MYPOP: variants seen among roughly 807,000 people sequenced by gnomAD.
The protein encoded by MYPOP is Myb related transcription factor, partner of profilin.
A neutral mutation model predicts 25.7 loss-of-function variants in MYPOP; 21 were observed. That is an observed-to-expected ratio of 0.82 (90% CI 0.58 to 1.18). MYPOP has a LOEUF of 1.18. MYPOP is among the 50% of genes most tolerant of loss of function. The probability of loss-of-function intolerance (pLI) is 0.00; values close to 1 mark genes in which losing one functional copy is unlikely to be tolerated. For missense variants in MYPOP, 566 were observed against 588.3 expected, an observed-to-expected ratio of 0.96 and a Z score of 0.39; for synonymous variants, 280 against 247.9, an observed-to-expected ratio of 1.13 and a Z score of -1.22.
chr19:45,897,005 C>T (rs1967215718), intron 2 of MYPOP, among the ~76,000 whole-genome samples: 1 of 151,922 alleles, frequency 6.6e-6, no homozygotes, highest in Admixed American at 6.6e-5. Flanking sequence ...ATCCTCCCGC[C>T]TTGGCCTTCT....
At position 45,890,464 on chromosome 19, in the gene MYPOP, C is replaced by T. The variant is rs1967100604; in HGVS notation, c.*159G>A. The stretch of plus-strand genomic sequence containing the variant: ...GGTTGGGGGGGCCCATTACTGAGGC[C>T]CCCCCCAGAGAATCAGGCACTAACT... On this transcript the variant is annotated 3_prime_UTR_variant, in exon 3 of 3. Coordinates refer to ENST00000322217, the MANE Select transcript of MYPOP (RefSeq NM_001012643.4). 7 of 1,250,596 alleles carry T rather than the reference C, an allele frequency of 5.6e-6. No individual in the cohort carries two copies. In the South Asian group the frequency reaches 6.5e-5, roughly 12 times the overall value. The allele number at this position is 1,250,596 out of a possible 1,614,324, so 77.5% of individuals were successfully genotyped here. A position where few individuals can be genotyped will look rare whatever the true frequency, so the allele number is the denominator to read the frequency against.
At chr19:45,893,078 A>G (rs1026555139) in intron 2 of MYPOP, among the ~76,000 whole-genome samples, 3 of 151,670 alleles carry the variant, frequency 2.0e-5, no homozygotes, top group Non-Finnish European at 4.4e-5. Context: ...CTTCAAGACC[A>G]GCCTGGTCAA....
At chr19:45,900,449 A>ACC (rs57059844) in intron 2 of MYPOP, among the ~76,000 whole-genome samples, 172 of 76,766 alleles carry the variant, frequency 2.2e-3, no homozygotes, top group Middle Eastern at 7.7e-3. Flanking sequence ...CTCCTGGACC[A>ACC]CCCCCCCCCC....
rs1273177318 is a variant in MYPOP, at chr19:45,901,504, C to T, written c.270G>A (p.Lys90=). The T allele has an allele frequency of 1.9e-6, 3 of 1,610,772 alleles. No individual in the cohort carries two copies. The highest frequency in any genetic ancestry group is 1.7e-6 in the Non-Finnish European group (2 of 1,179,082). The change falls in exon 2 of 3, where the codon AAG becomes AAA. Residue 90 remains lysine (K), a synonymous_variant. Transcript: ENST00000322217. This position sits in a 1 kb window ranked among gnomAD's most constrained non-coding sequence, Gnocchi z 5.7. ...WNDFKRRTKE[K]LARVPHSTQG... ...GCGTGGAGTGCGGCACGCGAGCGAG[C>T]TTCTCCTTGGTGCGGCGCTTGAAGT...
At position 45,901,159 on chromosome 19, in the gene MYPOP, G is replaced by T; in HGVS notation, c.499+116C>A. ...ATTTTTCTGAGCTTCAGTTTCCCTA[G>T]CTATAAAATGGGGCGAAGGACAGCA... On this transcript the variant is annotated intron_variant, in intron 2 of 2. Transcript: ENST00000322217. This position sits in a 1 kb window ranked among gnomAD's most constrained non-coding sequence, Gnocchi z 5.7. The T allele has an allele frequency of 2.0e-6, 2 of 986,034 alleles. No individual in the cohort carries two copies. The highest frequency in any genetic ancestry group is 2.7e-6 in the Non-Finnish European group (2 of 735,806). The allele number at this position is 986,034 out of a possible 1,614,324, so 61.1% of individuals were successfully genotyped here.
At position 45,890,695 on chromosome 19, in the gene MYPOP, G is replaced by A. The variant is rs377420159; in HGVS notation, c.1128C>T (p.His376=). The part of the protein sequence containing the change: ...PRPPPAPLPP[H]DSPPHKRRKG... ...TTCTCCGCTTGTGTGGGGGGGAGTC[G>A]TGCGGAGGGAGCGGGGCTGGGGGGG... Residue 376 remains histidine, a synonymous_variant, in exon 3 of 3, where the codon CAC becomes CAT. Transcript: ENST00000322217. 95 of 1,598,280 alleles carry A rather than the reference G, an allele frequency of 5.9e-5. No individual in the cohort carries two copies. Among genetic ancestry groups the A allele is most frequent in the African/African-American group, 2.2e-4 (16 of 73,416 alleles).
chr19:45,896,224 G>A (rs914255830), intron 2 of MYPOP, among the ~76,000 whole-genome samples: 2 of 152,162 alleles, frequency 1.3e-5, no homozygotes, highest in African/African-American at 4.8e-5. Flanking sequence ...CCTGGAGGCC[G>A]AGGTTGCAGT....
chr19:45,897,576 G>A (rs1967224198), intron 2 of MYPOP, among the ~76,000 whole-genome samples: 1 of 152,168 alleles, frequency 6.6e-6, no homozygotes, highest in Non-Finnish European at 1.5e-5. Context: ...GTTGTTTTGA[G>A]GAAGGGTCTC....
At chr19:45,894,173 TGTG>T (rs1967168416) in intron 2 of MYPOP, among the ~76,000 whole-genome samples, 1 of 149,628 alleles carries the variant, frequency 6.7e-6, no homozygotes, top group Non-Finnish European at 1.5e-5. Context: ...AGTGCAGTGG[TGTG>T]ATCTCGGCTC....
At chr19:45,896,085 G>GT (rs754331777) in intron 2 of MYPOP, among the ~76,000 whole-genome samples, 2 of 152,190 alleles carry the variant, frequency 1.3e-5, no homozygotes, top group Non-Finnish European at 2.9e-5. Flanking sequence ...GAGGTCAGGA[G>GT]TTTGAGACCA....
rs1004858682 is a variant in MYPOP at position 45,890,404 on chromosome 19, G to T, written c.*219C>A. ...TGGCTTAGAAGTCAGGGTTAAGGGA[G>T]GCAGCCAGGCAGACAGCACTGTACC... On this transcript the variant is annotated 3_prime_UTR_variant, in exon 3 of 3. Coordinates refer to ENST00000322217, the MANE Select transcript of MYPOP (RefSeq NM_001012643.4). The T allele has an allele frequency of 1.0e-5, 6 of 600,736 alleles. No homozygotes were observed. Among genetic ancestry groups the T allele is most frequent in the Non-Finnish European group, 1.6e-5 (6 of 374,782 alleles). The allele number at this position is 600,736 out of a possible 1,614,324, so 37.2% of individuals were successfully genotyped here.
chr19:45,896,914 C>G (rs188127029), intron 2 of MYPOP, among the ~76,000 whole-genome samples: 1 of 151,952 alleles, frequency 6.6e-6, no homozygotes, highest in African/African-American at 2.4e-5. Context: ...CGTGAGCCAC[C>G]GCGCCCGGCC....
Position 45,901,428 on chromosome 19 carries a change from T to A in MYPOP, c.346A>T (p.Ile116Phe). The A allele has an allele frequency of 6.3e-7, 1 of 1,576,898 alleles. No individual in the cohort carries two copies. The highest frequency in any genetic ancestry group is 1.2e-5 in the South Asian group (1 of 86,888). Residue 116 changes from isoleucine (I) to phenylalanine (F), a missense_variant, in exon 2 of 3, where the codon ATT becomes TTT. Ile to Phe is a conservative substitution (Grantham distance 21). Transcript: ENST00000322217. The surrounding 1 kb of genome is among the most constrained non-coding windows in gnomAD (Gnocchi z 5.7). ...ACACCTGGCCCCAGGATGGCAAAAA[T>A]GGTCTCCTCTTCCGCGGAGAAAGCG... ...EDAFSAEEET[I>F]FAILGPGVAA...
Position 45,901,295 on chromosome 19 carries a change from C to T in MYPOP, c.479G>A (p.Arg160His). 6.9e-7 allele frequency: 1 copy of T among 1,452,608 alleles called. No homozygotes were observed. Among genetic ancestry groups the T allele is most frequent in the Non-Finnish European group, 9.1e-7 (1 of 1,103,762 alleles). 90.0% of individuals were successfully genotyped at this position (1,452,608 alleles called of 1,614,324 possible). A position where few individuals can be genotyped will look rare whatever the true frequency, so the allele number is the denominator to read the frequency against. ...CPQRYVLSED[R>H]REDRRADTSA... ...CTCACCTGCACGTCGGTCCTCCCGG[C>T]GGTCTTCCGACAACACGTAGCGCTG... The change falls in exon 2 of 3, where the codon CGC becomes CAC. Residue 160 changes from arginine to histidine, a missense_variant. Transcript: ENST00000322217. The surrounding 1 kb of genome is among the most constrained non-coding windows in gnomAD (Gnocchi z 5.7).
At chr19:45,898,005 C>G (rs1225767278) in intron 2 of MYPOP, among the ~76,000 whole-genome samples, 2 of 151,860 alleles carry the variant, frequency 1.3e-5, no homozygotes, top group African/African-American at 2.4e-5. Flanking sequence ...CTCACTGCAA[C>G]CTCCACCTCC....
chr19:45,892,190 G>A (rs556939152), intron 2 of MYPOP, among the ~76,000 whole-genome samples: 4 of 152,218 alleles, frequency 2.6e-5, no homozygotes, highest in African/African-American at 9.6e-5. Flanking sequence ...CAAAGTTCTG[G>A]GATTACAGGT....
At chr19:45,896,968 C>G (rs897004175) in intron 2 of MYPOP, among the ~76,000 whole-genome samples, 18 of 152,156 alleles carry the variant, frequency 1.2e-4, no homozygotes, top group African/African-American at 4.1e-4. Context: ...ATTGCCCAGG[C>G]TGGTCTCAAA....
At position 45,891,327 on chromosome 19, in the gene MYPOP, T is replaced by A; in HGVS notation, c.500-4A>T. On this transcript the variant is annotated splice_polypyrimidine_tract_variant and splice_region_variant and intron_variant, in intron 2 of 2. Transcript: ENST00000322217. Reference sequence around the variant, plus strand: ...GCCTTGCTGTGGGCTGATGTATCTGTAGAGAGAGAAATACAGGTAAGGGGT... The same window carrying A: ...GCCTTGCTGTGGGCTGATGTATCTGAAGAGAGAGAAATACAGGTAAGGGGT... 1 of 1,492,566 alleles carries A rather than the reference T, an allele frequency of 6.7e-7. No individual in the cohort carries two copies. Among genetic ancestry groups the A allele is most frequent in the Non-Finnish European group, 8.9e-7 (1 of 1,127,030 alleles). 92.5% of individuals were successfully genotyped at this position (1,492,566 alleles called of 1,614,324 possible).
chr19:45,890,740 G>T lies in MYPOP; in HGVS notation c.1083C>A (p.Ser361Arg), dbSNP rs746870001. 49 of 1,563,618 alleles carry T rather than the reference G, an allele frequency of 3.1e-5. No homozygotes were observed. In the South Asian group the frequency reaches 5.4e-4, roughly 17 times the overall value. Residue 361 changes from serine (S) to arginine (R), a missense_variant, in exon 3 of 3, where the codon AGC (serine) becomes AGA (arginine). Physicochemically the swap from Ser to Arg is moderately radical, Grantham distance 110. Transcript: ENST00000322217. ...AARGVIIAPR[S>R]EEGAPRPPPA... ...GGGGGGGCCGGGGTGCCCCCTCCTC[G>T]CTCCTTGGGGCAATGATCACTCCCC...
Sources: allele counts gnomAD v4.1 joint callset (sites outside exome capture counted in the v4.1 genomes callset), GRCh38; gene constraint gnomAD v4.1.1; non-coding constraint Gnocchi (gnomAD v3.1); transcripts MANE v1.5; gene names NCBI Gene and HGNC (gene_info 2026-07-23, HGNC 2026-07-21).